Variants in TMTC2 observed in about 807,000 individuals in gnomAD.
The protein encoded by TMTC2 is protein O-mannosyl-transferase TMTC2.
TMTC2 carries 43 observed loss-of-function variants against 82.4 expected under a neutral mutation model. The ratio of observed to expected loss-of-function variants is 0.52; its 90% CI spans 0.41 to 0.67. The LOEUF (loss-of-function observed/expected upper bound fraction) is 0.67, where lower values mean the gene tolerates loss of function less well. TMTC2 is among the 30% of genes least tolerant of loss of function. The pLI is 0.00. For synonymous variants in TMTC2, 408 were observed against 381.9 expected (o/e 1.07, Z -0.80); for missense variants, 919 against 1,012.4 (o/e 0.91, Z 1.25).
At chr12:83,019,681 C>T (rs1262498412) in intron 8 of TMTC2, among the ~76,000 whole-genome samples, 1 of 152,160 alleles carries the variant, frequency 6.6e-6, no homozygotes, top group African/African-American at 2.4e-5. Context: ...CTACTCCATC[C>T]ACCTCTTTGC....
chr12:83,116,823 G>A (rs2137554275), intron 11 of TMTC2, among the ~76,000 whole-genome samples: 1 of 152,084 alleles, frequency 6.6e-6, no homozygotes, highest in East Asian at 1.9e-4. Context: ...TGTAGAGTCT[G>A]GATATTGGTC....
intron 1 of TMTC2, among the ~76,000 whole-genome samples, chr12:82,710,395 G>A (rs546863441): frequency 6.6e-6 from 1 of 152,240 alleles, no homozygotes; most frequent in South Asian, 2.1e-4. Context: ...CTCCATTTTA[G>A]TTGTTTCTCT....
At chr12:82,843,927 G>A (rs1870486892) in intron 1 of TMTC2, among the ~76,000 whole-genome samples, 1 of 152,122 alleles carries the variant, frequency 6.6e-6, no homozygotes, top group Admixed American at 6.6e-5. Context: ...CAGCCTGGGC[G>A]ACAGAGTGAG....
chr12:82,702,260 G>A (rs1455388599), intron 1 of TMTC2, among the ~76,000 whole-genome samples: 1 of 152,108 alleles, frequency 6.6e-6, no homozygotes, highest in African/African-American at 2.4e-5. Context: ...TTCATTTCTT[G>A]TATGTTACCT....
chr12:83,042,646 A>G lies in TMTC2; in HGVS notation c.2153-8258A>G, dbSNP rs370832961. On this transcript the variant is annotated intron_variant, in intron 9 of 11. Coordinates refer to ENST00000321196, the MANE Select transcript of TMTC2 (RefSeq NM_152588.3). ...CCCCGCTTCTTCTTAGCCGGCAGAA[A>G]TTCCCACACCCTGTCAGACAGTCAT... 2.7e-3 allele frequency among the ~76,000 whole-genome samples: 413 copies of G among 152,158 alleles called. 3 individuals carry two copies. Among genetic ancestry groups the G allele is most frequent in the African/African-American group, 9.6e-3 (400 of 41,502 alleles).
chr12:83,069,489 T>C (rs1410647170), intron 11 of TMTC2, among the ~76,000 whole-genome samples: 1 of 152,234 alleles, frequency 6.6e-6, no homozygotes, highest in Non-Finnish European at 1.5e-5. Flanking sequence ...GCCATTTGTA[T>C]ATCTTCTTTT....
At chr12:82,729,740 G>A (rs930197430) in intron 1 of TMTC2, among the ~76,000 whole-genome samples, 1 of 152,208 alleles carries the variant, frequency 6.6e-6, no homozygotes, top group Non-Finnish European at 1.5e-5. Flanking sequence ...CAAGCTAGCA[G>A]TGGCAACCCG....
chr12:83,089,840 C>CAAAAAAAAA (rs1381824863), intron 11 of TMTC2, among the ~76,000 whole-genome samples: 1 of 141,126 alleles, frequency 7.1e-6, no homozygotes, highest in African/African-American at 2.7e-5. Context: ...AAACAAAAAA[C>CAAAAAAAAA]AAAAAACAAA....
chr12:82,694,950 T>G (rs1302643675), intron 1 of TMTC2, among the ~76,000 whole-genome samples: 10 of 152,168 alleles, frequency 6.6e-5, no homozygotes, highest in Non-Finnish European at 1.3e-4. Flanking sequence ...ATTCCAGAGA[T>G]TATTGATTTC....
chr12:82,881,065 G>T (rs1177968998), intron 2 of TMTC2, among the ~76,000 whole-genome samples: 2 of 151,946 alleles, frequency 1.3e-5, no homozygotes, highest in Non-Finnish European at 2.9e-5. Context: ...AAAAAAATAC[G>T]AGATTTTAAC....
chr12:82,839,559 TC>T (rs1870225286), intron 1 of TMTC2, among the ~76,000 whole-genome samples: 1 of 152,242 alleles, frequency 6.6e-6, no homozygotes. Flanking sequence ...TTTCACATTG[TC>T]CTGTTGTTTA....
At chr12:82,982,235 T>C (rs1878949311) in intron 7 of TMTC2, among the ~76,000 whole-genome samples, 2 of 151,860 alleles carry the variant, frequency 1.3e-5, no homozygotes, top group African/African-American at 2.4e-5. Flanking sequence ...TTAACTGTCC[T>C]TGTGCAAGTC....
intron 8 of TMTC2, among the ~76,000 whole-genome samples, chr12:83,004,499 T>C (rs1880065315): frequency 6.6e-6 from 1 of 152,204 alleles, no homozygotes. Flanking sequence ...CTTTCTCATC[T>C]GAGAGGGCTG....
At chr12:82,924,883 G>A (rs12809082) in intron 3 of TMTC2, among the ~76,000 whole-genome samples, 17,433 of 151,968 alleles carry the variant, frequency 0.11, 1,086 homozygotes, top group East Asian at 0.2. Context: ...CCCAAATATC[G>A]CACATAAAAT....
chr12:82,820,353 T>C (rs1005753260), intron 1 of TMTC2, among the ~76,000 whole-genome samples: 1 of 152,004 alleles, frequency 6.6e-6, no homozygotes, highest in Admixed American at 6.6e-5. Context: ...GGGAACTATA[T>C]TTCTTTCCTT....
At chr12:83,000,302 T>C (rs576860634) in intron 8 of TMTC2, among the ~76,000 whole-genome samples, 47 of 152,136 alleles carry the variant, frequency 3.1e-4, no homozygotes, top group Admixed American at 4.6e-4. Flanking sequence ...GCCTAGCAAA[T>C]TTTTTGTATT....
intron 8 of TMTC2, among the ~76,000 whole-genome samples, chr12:83,012,517 C>T (rs1455513449): frequency 2.0e-5 from 3 of 152,054 alleles, no homozygotes; most frequent in Admixed American, 6.5e-5. Flanking sequence ...AACATGTTTA[C>T]ATGTAAAATA....
intron 1 of TMTC2, among the ~76,000 whole-genome samples, chr12:82,698,436 G>A (rs1040454524): frequency 9.9e-5 from 15 of 152,040 alleles, no homozygotes; most frequent in Admixed American, 9.2e-4. Flanking sequence ...TATGATGAAC[G>A]TTCTCTGTGG....
intron 4 of TMTC2, among the ~76,000 whole-genome samples, chr12:82,948,374 A>AAAC (rs1555200165): frequency 6.4e-3 from 209 of 32,826 alleles, no homozygotes; most frequent in African/African-American, 0.05. Context: ...TAATTTAAAC[A>AAAC]AAAAAAAAAA....
Sources: allele counts gnomAD v4.1 joint callset (sites outside exome capture counted in the v4.1 genomes callset), GRCh38; gene constraint gnomAD v4.1.1; transcripts MANE v1.5; gene names NCBI Gene and HGNC (gene_info 2026-07-23, HGNC 2026-07-21).